SPIRE1: variants seen among roughly 807,000 people sequenced by gnomAD.
SPIRE1 encodes protein spire homolog 1.
In SPIRE1, 40 loss-of-function variants were observed where a neutral mutation model predicts 94.1. The observed-to-expected ratio is 0.43, with a 90% CI of 0.33 to 0.55. SPIRE1 has a LOEUF of 0.55. Among genes scored for constraint, SPIRE1 ranks in the 20% least tolerant of loss-of-function variants. SPIRE1 has a pLI of 0.06. For synonymous variants in SPIRE1, 376 were observed against 371.7 expected (o/e 1.01, Z -0.13); for missense variants, 838 against 975.2 (o/e 0.86, Z 1.87).
chr18:12,596,446 T>C (rs2036673913), intron 2 of SPIRE1, among the ~76,000 whole-genome samples: 1 of 152,218 alleles, frequency 6.6e-6, no homozygotes, highest in Non-Finnish European at 1.5e-5. Context: ...AGTATCAATC[T>C]GGTCACTTTG....
At chr18:12,520,514 C>T (rs2034329083) in intron 4 of SPIRE1, among the ~76,000 whole-genome samples, 1 of 152,144 alleles carries the variant, frequency 6.6e-6, no homozygotes, top group Non-Finnish European at 1.5e-5. Context: ...ATTTACTCCT[C>T]CCTGATGAGA....
At chr18:12,623,594 T>C (rs1176416732) in intron 2 of SPIRE1, among the ~76,000 whole-genome samples, 1 of 152,200 alleles carries the variant, frequency 6.6e-6, no homozygotes. Flanking sequence ...TAAATCATTT[T>C]AATTTTTCAC....
chr18:12,539,587 G>A (rs7408086), intron 3 of SPIRE1, among the ~76,000 whole-genome samples: 23 of 139,098 alleles, frequency 1.7e-4, no homozygotes, highest in East Asian at 4.1e-4. Flanking sequence ...ACACACACAC[G>A]CACACACACA....
intron 2 of SPIRE1, among the ~76,000 whole-genome samples, chr18:12,622,781 A>T (rs1013880886): frequency 1.3e-5 from 2 of 152,070 alleles, no homozygotes; most frequent in African/African-American, 2.4e-5. Context: ...TGTCTTTCCT[A>T]CATTTTCTTT....
chr18:12,654,682 T>C (rs959323353), intron 1 of SPIRE1, among the ~76,000 whole-genome samples: 4 of 151,722 alleles, frequency 2.6e-5, no homozygotes, highest in African/African-American at 9.7e-5. Flanking sequence ...TTTTACTTAT[T>C]TTCCCCAACT....
intron 2 of SPIRE1, among the ~76,000 whole-genome samples, chr18:12,552,306 C>T (rs933298453): frequency 1.3e-5 from 2 of 152,164 alleles, no homozygotes; most frequent in African/African-American, 4.8e-5. Flanking sequence ...GAGACACCAG[C>T]CAGGATGGCT....
intron 1 of SPIRE1, among the ~76,000 whole-genome samples, chr18:12,643,901 A>C (rs2038149840): frequency 6.6e-6 from 1 of 151,904 alleles, no homozygotes; most frequent in African/African-American, 2.4e-5. Flanking sequence ...TTAAAGAAGA[A>C]AGTCAAGCTG....
intron 2 of SPIRE1, among the ~76,000 whole-genome samples, chr18:12,575,812 T>C (rs2036079275): frequency 6.6e-6 from 1 of 152,220 alleles, no homozygotes. Context: ...GAAAGACTAA[T>C]ATTGTTACAA....
chr18:12,521,380 G>T (rs2034354366), intron 4 of SPIRE1, among the ~76,000 whole-genome samples: 1 of 150,884 alleles, frequency 6.6e-6, no homozygotes, highest in African/African-American at 2.4e-5. Flanking sequence ...TCGCCTGGGT[G>T]GGGTGCAGTG....
intron 10 of SPIRE1, among the ~76,000 whole-genome samples, chr18:12,465,269 T>C (rs917607891): frequency 1.3e-5 from 2 of 152,118 alleles, no homozygotes; most frequent in Non-Finnish European, 2.9e-5. Context: ...GTCTACCTTC[T>C]GGGCCCAAGT....
At chr18:12,514,752 T>C (rs1239499837) in intron 4 of SPIRE1, among the ~76,000 whole-genome samples, 1 of 152,154 alleles carries the variant, frequency 6.6e-6, no homozygotes, top group Non-Finnish European at 1.5e-5. Context: ...TGCTCTGCGT[T>C]TTAGGAAAAT....
At chr18:12,658,467 G>C (rs2038625490), upstream of SPIRE1, 1 of 438,874 alleles carries the variant, frequency 2.3e-6, no homozygotes, top group Non-Finnish European at 4.8e-6. Flanking sequence ...AGAGGGTGTC[G>C]CATTTATCAG....
chr18:12,569,864 A>C (rs781503051), intron 2 of SPIRE1, among the ~76,000 whole-genome samples: 1 of 152,234 alleles, frequency 6.6e-6, no homozygotes, highest in Non-Finnish European at 1.5e-5. Flanking sequence ...CAACCAATTG[A>C]AATGGGGTAG....
At chr18:12,635,310 A>T (rs2037891782) in intron 1 of SPIRE1, among the ~76,000 whole-genome samples, 1 of 152,184 alleles carries the variant, frequency 6.6e-6, no homozygotes, top group Admixed American at 6.5e-5. Context: ...AAAAAAGGTG[A>T]GAAAAAAATG....
intron 2 of SPIRE1, among the ~76,000 whole-genome samples, chr18:12,578,865 TGAA>T (rs2036180501): frequency 6.6e-6 from 1 of 152,140 alleles, no homozygotes; most frequent in South Asian, 2.1e-4. Context: ...ATGTCACAGT[TGAA>T]GAACCACAGA....
chr18:12,544,858 T>C (rs146165485), intron 3 of SPIRE1, among the ~76,000 whole-genome samples: 5 of 152,322 alleles, frequency 3.3e-5, no homozygotes, highest in African/African-American at 1.2e-4. Context: ...CTTCCAAACC[T>C]GTAGTTTAAG....
chr18:12,585,953 T>C (rs1282141029), intron 2 of SPIRE1, among the ~76,000 whole-genome samples: 4 of 152,134 alleles, frequency 2.6e-5, no homozygotes, highest in African/African-American at 9.7e-5. Flanking sequence ...TATGCATGTA[T>C]GTATGTATGT....
At chr18:12,657,240 CA>C (rs1192131353) in intron 1 of SPIRE1, among the ~76,000 whole-genome samples, 1 of 147,800 alleles carries the variant, frequency 6.8e-6, no homozygotes, top group Non-Finnish European at 1.5e-5. Context: ...GTCCCGCGGG[CA>C]GCACAATGAC....
intron 4 of SPIRE1, among the ~76,000 whole-genome samples, chr18:12,527,602 GC>G (rs1183106052): frequency 1.3e-5 from 2 of 152,078 alleles, no homozygotes; most frequent in Non-Finnish European, 1.5e-5. Context: ...TCAACCCCCA[GC>G]CCTCAGGTTC....
Sources: allele counts gnomAD v4.1 joint callset (sites outside exome capture counted in the v4.1 genomes callset), GRCh38; gene constraint gnomAD v4.1.1; transcripts MANE v1.5; gene names NCBI Gene and HGNC (gene_info 2026-07-23, HGNC 2026-07-21).